Variants in TBC1D10C observed in about 807,000 individuals in gnomAD.
TBC1D10C encodes carabin.
In TBC1D10C, 49 loss-of-function variants were observed where a neutral mutation model predicts 51.0. The ratio of observed to expected loss-of-function variants is 0.96; its 90% CI spans 0.76 to 1.22. TBC1D10C has a LOEUF of 1.22. Ranked by LOEUF, TBC1D10C falls within the 50% of genes most tolerant of loss-of-function variation. TBC1D10C has a pLI of 0.00. For synonymous variants in TBC1D10C, 281 were observed against 266.7 expected (o/e 1.05, Z -0.52); for missense variants, 541 against 617.5 (o/e 0.88, Z 1.31).
intron 7 of TBC1D10C, chr11:67,408,771 C>T (rs982141748): frequency 2.5e-5 from 14 of 550,362 alleles, no homozygotes; most frequent in Non-Finnish European, 3.2e-5. Context: ...AGTAACTCTT[C>T]CCCAAAGCAT....
chr11:67,404,875 T>C (rs1191649013), intron 1 of TBC1D10C: 2 of 559,302 alleles, frequency 3.6e-6, no homozygotes, highest in Non-Finnish European at 6.4e-6. Context: ...ACTCACCCCT[T>C]CAGTCTCCTG....
intron 5 of TBC1D10C, 86 bp downstream of exon 5, chr11:67,406,103 G>A (rs571438109): frequency 1.7e-6 from 2 of 1,150,668 alleles, no homozygotes; most frequent in East Asian, 2.6e-5. Flanking sequence ...TCAGAAACCT[G>A]CAATCCTTGA....
In TBC1D10C at chr11:67,404,308, C is replaced by T. The variant is rs1320929522; in HGVS notation, c.106C>T (p.Gln36Ter). 6 of 1,599,582 alleles carry T rather than the reference C, an allele frequency of 3.8e-6. No individual in the cohort carries two copies. The highest frequency in any genetic ancestry group is 5.1e-6 in the Non-Finnish European group (6 of 1,169,992). The change falls in exon 1 of 9, where the codon CAG becomes TAG. Residue 36 changes from glutamine to a stop codon, truncating the protein, a stop_gained. Transcript: ENST00000542590. LOFTEE classifies it high-confidence loss of function. ...GCTCAGCGGGCCTGGCCCATATCGC[C>T]AGGCCGACCGCTATGGATTCATTGG... ...SELSGPGPYR[Q>*]ADRYGFIGGS... is the part of the protein sequence containing the mutation.
Position 67,409,745 on chromosome 11 carries a change from C to T in TBC1D10C, c.1332C>T (p.Thr444=), listed in dbSNP as rs753308134. The change falls in exon 9 of 9, where the codon ACC becomes ACT. Residue 444 remains threonine (T), a synonymous_variant. Transcript: ENST00000542590. Reference sequence around the variant, plus strand: ...GAGGCTCCACCTCCTTCCTGGACACCCGCTTCTGAGAGGACCATGGACTTA... The same window carrying T: ...GAGGCTCCACCTCCTTCCTGGACACTCGCTTCTGAGAGGACCATGGACTTA... The part of the protein sequence containing the change: ...PQRGSTSFLD[T]RF 3.3e-5 allele frequency: 52 copies of T among 1,584,644 alleles called. No individual in the cohort carries two copies. Among genetic ancestry groups the T allele is most frequent in the Middle Eastern group, 1.7e-4 (1 of 5,940 alleles).
chr11:67,405,520 C>T lies in TBC1D10C; in HGVS notation c.360+14C>T. On this transcript the variant is annotated intron_variant, in intron 3 of 8. Transcript: ENST00000542590. ...GGCACCTATCAGGTGAGGGAGTGGGCAGGGGCCCCAATTCCCCTACCCAGA... is the reference window on the plus strand; with the variant it reads ...GGCACCTATCAGGTGAGGGAGTGGGTAGGGGCCCCAATTCCCCTACCCAGA... 1 of 1,613,388 alleles carries T rather than the reference C, an allele frequency of 6.2e-7. No homozygotes were observed. Among genetic ancestry groups the T allele is most frequent in the Non-Finnish European group, 8.5e-7 (1 of 1,179,696 alleles).
Position 67,405,515 on chromosome 11 carries a change from G to A in TBC1D10C, c.360+9G>A. 6.2e-7 allele frequency: 1 copy of A among 1,613,654 alleles called. No individual in the cohort carries two copies. On this transcript the variant is annotated intron_variant, in intron 3 of 8. Transcript: ENST00000542590. ...GCCCTGGCACCTATCAGGTGAGGGA[G>A]TGGGCAGGGGCCCCAATTCCCCTAC...
In TBC1D10C at chr11:67,405,973, C is replaced by T; in HGVS notation, c.538C>T (p.Gln180Ter). The change falls in exon 5 of 9, where the codon CAG becomes TAG. Residue 180 changes from glutamine (Q) to a stop codon, truncating the protein, a stop_gained. Transcript: ENST00000542590. LOFTEE classifies it high-confidence loss of function. ...YRPEQGYCQA[Q>*]GPVAAVLLMH... ...ACCGGAGCAGGGCTACTGCCAGGCCCAGGGGCCCGTGGCTGCTGTGCTGCT... is the reference window on the plus strand; with the variant it reads ...ACCGGAGCAGGGCTACTGCCAGGCCTAGGGGCCCGTGGCTGCTGTGCTGCT... 1 of 1,605,844 alleles carries T rather than the reference C, an allele frequency of 6.2e-7. No individual in the cohort carries two copies. The highest frequency in any genetic ancestry group is 8.5e-7 in the Non-Finnish European group (1 of 1,177,204).
At position 67,407,044 on chromosome 11, in the gene TBC1D10C, A is replaced by G; in HGVS notation, c.838+28A>G. On this transcript the variant is annotated intron_variant, in intron 7 of 8. Coordinates refer to ENST00000542590, the MANE Select transcript of TBC1D10C (RefSeq NM_001369496.1). The stretch of plus-strand genomic sequence containing the variant: ...GAGTGGGGCAGCCAGTGGCTGGGGC[A>G]GGAGCCTTGGGGTGTGGGTGGGGAG... The G allele has an allele frequency of 3.8e-6, 6 of 1,598,452 alleles. No individual in the cohort carries two copies. The South Asian group carries it at 6.7e-5, about 18-fold the overall frequency.
intron 1 of TBC1D10C, among the ~76,000 whole-genome samples, chr11:67,404,662 C>T (rs1393943669): frequency 1.3e-5 from 2 of 152,134 alleles, no homozygotes; most frequent in East Asian, 3.8e-4. Context: ...CTCCTTCCCC[C>T]TTTCCCCAAG....
At chr11:67,405,842 C>A (rs1415525479) in intron 4 of TBC1D10C, 61 bp from the exon 5 acceptor site, 1 of 1,548,388 alleles carries the variant, frequency 6.5e-7, no homozygotes, top group Admixed American at 2.0e-5. Context: ...GGCAGAGGCC[C>A]CCAGAGGGTG....
chr11:67,408,865 C>T (rs990056139), intron 7 of TBC1D10C, 114 bp from the exon 8 acceptor site: 3 of 1,345,246 alleles, frequency 2.2e-6, no homozygotes, highest in Non-Finnish European at 2.9e-6. Flanking sequence ...TGTTCCTGAA[C>T]CGGGGAGGGC....
intron 7 of TBC1D10C, chr11:67,408,177 G>A (rs77851198): frequency 2.0e-5 from 3 of 152,402 alleles, no homozygotes; most frequent in African/African-American, 7.2e-5. Context: ...GAGGCTCCAG[G>A]ACTAGCCCAA....
At chr11:67,404,551 C>T (rs1357601452) in intron 1 of TBC1D10C, among the ~76,000 whole-genome samples, 197 bp downstream of exon 1, 2 of 152,138 alleles carry the variant, frequency 1.3e-5, no homozygotes, top group Non-Finnish European at 2.9e-5. Flanking sequence ...TCTCTTACCC[C>T]CAGCCTCCGA....
At position 67,406,832 on chromosome 11, in the gene TBC1D10C, T is replaced by C. The variant is rs375724389; in HGVS notation, c.654T>C (p.Ala218=). 6 of 1,608,458 alleles carry C rather than the reference T, an allele frequency of 3.7e-6. No individual in the cohort carries two copies. The highest frequency in any genetic ancestry group is 1.7e-5 in the Admixed American group (1 of 59,820). Residue 218 remains alanine, a synonymous_variant, in exon 7 of 9, where the codon GCT becomes GCC. Coordinates refer to ENST00000542590, the MANE Select transcript of TBC1D10C (RefSeq NM_001369496.1). ...LPGYYGPHME[A]VRLDAEVFMA... ...GCTGATGGACGTGGCCACAGGAGGC[T>C]GTGCGGCTGGACGCCGAGGTGTTCA...
rs144990821 is a variant in TBC1D10C at position 67,404,284 on chromosome 11, C to A, written c.82C>A (p.Leu28Ile). The change falls in exon 1 of 9, where the codon CTC (leucine) becomes ATC (isoleucine). Residue 28 changes from leucine to isoleucine, a missense_variant. Coordinates refer to ENST00000542590, the MANE Select transcript of TBC1D10C (RefSeq NM_001369496.1). Reference protein sequence around the residue: ...DSSSLGSDSELSGPGPYRQAD... With the variant: ...DSSSLGSDSEISGPGPYRQAD... ...CAGCTCCTTGGGGTCCGACTCAGAG[C>A]TCAGCGGGCCTGGCCCATATCGCCA... is the stretch of plus-strand genomic sequence containing the variant. The A allele has an allele frequency of 3.1e-6, 5 of 1,604,294 alleles. No individual in the cohort carries two copies. The highest frequency in any genetic ancestry group is 1.7e-6 in the Non-Finnish European group (2 of 1,173,480).
chr11:67,405,769 TAGCCC>T (rs1001955345), intron 4 of TBC1D10C, 68 bp downstream of exon 4: 2 of 1,586,762 alleles, frequency 1.3e-6, no homozygotes, highest in Non-Finnish European at 1.7e-6. Context: ...CCACTTTCCC[TAGCCC>T]AGCTCTACAG....
At chr11:67,407,185 C>T (rs540856581) in intron 7 of TBC1D10C, 169 bp downstream of exon 7, 16 of 829,194 alleles carry the variant, frequency 1.9e-5, no homozygotes, top group Non-Finnish European at 2.7e-5. Context: ...ACCCAGGCAC[C>T]GCCTGGTGCA....
chr11:67,410,049 G>T lies in TBC1D10C; in HGVS notation c.*295G>T. 2.7e-6 allele frequency: 1 copy of T among 364,010 alleles called. No homozygotes were observed. Among genetic ancestry groups the T allele is most frequent in the Non-Finnish European group, 5.0e-6 (1 of 200,792 alleles). The allele number at this position is 364,010 out of a possible 1,614,324, so 22.5% of individuals were successfully genotyped here. A position where few individuals can be genotyped will look rare whatever the true frequency, so the allele number is the denominator to read the frequency against. ...CAGGGAAGGGGTTGGCTGAGTCAAGGGACCCCAGAGGGCACCAGGAATAAA... is the reference window on the plus strand; with the variant it reads ...CAGGGAAGGGGTTGGCTGAGTCAAGTGACCCCAGAGGGCACCAGGAATAAA... On this transcript the variant is annotated 3_prime_UTR_variant, in exon 9 of 9. Coordinates refer to ENST00000542590, the MANE Select transcript of TBC1D10C (RefSeq NM_001369496.1).
rs774552691 is a variant in TBC1D10C at position 67,406,869 on chromosome 11, C to G, written c.691C>G (p.Arg231Gly). The part of the protein sequence containing the change: ...LDAEVFMALL[R>G]RLLPHVHKHL... Reference sequence around the variant, plus strand: ...CGCCGAGGTGTTCATGGCCCTGCTGCGGCGGCTGCTTCCGCACGTGCACAA... The same window carrying G: ...CGCCGAGGTGTTCATGGCCCTGCTGGGGCGGCTGCTTCCGCACGTGCACAA... Residue 231 changes from arginine (R) to glycine (G), a missense_variant, in exon 7 of 9, where the codon CGG becomes GGG. Arg to Gly is a moderately radical substitution (Grantham distance 125). Coordinates refer to ENST00000542590, the MANE Select transcript of TBC1D10C (RefSeq NM_001369496.1). 6.2e-7 allele frequency: 1 copy of G among 1,609,360 alleles called. No homozygotes were observed. Among genetic ancestry groups the G allele is most frequent in the Admixed American group, 1.7e-5 (1 of 59,938 alleles).
Sources: gnomAD v4.1 joint callset for allele counts (sites outside exome capture counted in the v4.1 genomes callset) on GRCh38, gnomAD v4.1.1 for gene constraint, MANE v1.5 for transcripts, NCBI Gene and HGNC (gene_info 2026-07-23, HGNC 2026-07-21) for gene names.